PHACTR4: variants seen among roughly 807,000 people sequenced by gnomAD.
The protein encoded by PHACTR4 is phosphatase and actin regulator 4.
Under a neutral mutation model 72.7 loss-of-function variants are expected in PHACTR4, and 51 were observed. The ratio of observed to expected loss-of-function variants is 0.70; its 90% CI spans 0.56 to 0.89. The LOEUF is 0.89. PHACTR4 is among the 40% of genes least tolerant of loss of function. The pLI is 0.00. For missense variants in PHACTR4, 731 were observed against 861.8 expected (o/e 0.85, Z 1.90); for synonymous variants, 255 against 302.5 (o/e 0.84, Z 1.63).
rs969505080 is a variant in PHACTR4 at position 28,401,247 on chromosome 1, C to T, written c.-38-6163C>T. Among the ~76,000 whole-genome samples the T allele has an allele frequency of 6.6e-5, 10 of 151,044 alleles. No individual in the cohort carries two copies. The South Asian group carries it at 8.4e-4, about 13-fold the overall frequency. ...AAGAAAGGAAAAAAAAGTTTTAAAA[C>T]GCATTTTGAGGCTGAGATACTTGGC... On this transcript the variant is annotated intron_variant, in intron 1 of 13. Coordinates refer to ENST00000373839, the MANE Select transcript of PHACTR4 (RefSeq NM_001048183.3).
chr1:28,485,594 A>G (rs1021220430), intron 9 of PHACTR4, among the ~76,000 whole-genome samples: 7 of 150,286 alleles, frequency 4.7e-5, no homozygotes, highest in Non-Finnish European at 7.4e-5. Context: ...GTCTCAATCA[A>G]TCAGTCAATA....
Position 28,434,451 on chromosome 1 carries a change from AGCT to A in PHACTR4, c.17-24632_17-24630del, listed in dbSNP as rs1434793509. 9.2e-5 allele frequency among the ~76,000 whole-genome samples: 14 copies of A among 151,796 alleles called. No individual in the cohort carries two copies. The East Asian group carries it at 2.7e-3, about 30-fold the overall frequency. On this transcript the variant is annotated intron_variant, in intron 2 of 13. Transcript: ENST00000373839. Reference sequence around the variant, plus strand: ...ATTCTCCTGCCACAGCCTCCTGAGTAGCTGGGACTACAGGCACGTACCACCAAG... The same window carrying A: ...ATTCTCCTGCCACAGCCTCCTGAGTAGGGACTACAGGCACGTACCACCAAG...
intron 10 of PHACTR4, among the ~76,000 whole-genome samples, chr1:28,490,244 AT>A (rs1022403191): frequency 1.3e-5 from 2 of 152,212 alleles, no homozygotes; most frequent in African/African-American, 4.8e-5. Flanking sequence ...TTGTTTAGCC[AT>A]CCCCAAAGTT....
At chr1:28,381,354 A>G (rs1451482183) in intron 1 of PHACTR4, among the ~76,000 whole-genome samples, 1 of 131,486 alleles carries the variant, frequency 7.6e-6, no homozygotes, top group Admixed American at 8.6e-5. Context: ...GCTGGAGTGC[A>G]GTGGCGTGAT....
At chr1:28,407,038 G>A (rs1654383008) in intron 1 of PHACTR4, among the ~76,000 whole-genome samples, 1 of 151,822 alleles carries the variant, frequency 6.6e-6, no homozygotes, top group Non-Finnish European at 1.5e-5. Context: ...GCTTATTTGA[G>A]GAAACTGACA....
intron 2 of PHACTR4, chr1:28,457,359 G>T: frequency 2.3e-6 from 1 of 440,026 alleles, no homozygotes; most frequent in South Asian, 1.6e-5. Context: ...CTTTTGGGAG[G>T]CCAAGCAGGG....
intron 1 of PHACTR4, among the ~76,000 whole-genome samples, chr1:28,384,096 C>G (rs925595578): frequency 2.0e-5 from 3 of 152,132 alleles, no homozygotes; most frequent in African/African-American, 7.2e-5. Context: ...CATTGATATT[C>G]ATCAAGAATG....
In PHACTR4 at chr1:28,466,620, C is replaced by A. The variant is rs1557834346; in HGVS notation, c.675C>A (p.Val225=). 4 of 1,614,006 alleles carry A rather than the reference C, an allele frequency of 2.5e-6. No individual in the cohort carries two copies. The highest frequency in any genetic ancestry group is 3.4e-6 in the Non-Finnish European group (4 of 1,179,970). ...TSLAKTVNLS[V]TPSPAPRTLP... ...TTGCAAAGACTGTTAATCTCTCTGT[C>A]ACCCCTTCCCCAGCACCCAGGACTC... The change falls in exon 6 of 14, where the codon GTC becomes GTA. Residue 225 remains valine, a synonymous_variant. Transcript: ENST00000373839.
rs189359732 is a variant in PHACTR4, at chr1:28,409,854, A to G, written c.16+2391A>G. 2.0e-5 allele frequency among the ~76,000 whole-genome samples: 3 copies of G among 148,704 alleles called. No homozygotes were observed. The East Asian group carries it at 6.3e-4, about 31-fold the overall frequency. Reference sequence around the variant, plus strand: ...TGGCTTTCTTTCCCCCCTGAAGAGTAGTTTTTAGGATTATGCCTAGTTCAT... The same window carrying G: ...TGGCTTTCTTTCCCCCCTGAAGAGTGGTTTTTAGGATTATGCCTAGTTCAT... On this transcript the variant is annotated intron_variant, in intron 2 of 13. Transcript: ENST00000373839.
rs561173695 is a variant in PHACTR4, at chr1:28,462,200, G to A, written c.271+1908G>A. ...TTTTTGTATTTTTAGTAGAGTTGGGGTTTTCACCATGTTGGCCAGACTGGT... is the reference window on the plus strand; with the variant it reads ...TTTTTGTATTTTTAGTAGAGTTGGGATTTTCACCATGTTGGCCAGACTGGT... On this transcript the variant is annotated intron_variant, in intron 4 of 13. Coordinates refer to ENST00000373839, the MANE Select transcript of PHACTR4 (RefSeq NM_001048183.3). Among the ~76,000 whole-genome samples the A allele has an allele frequency of 2.6e-5, 4 of 151,254 alleles. No individual in the cohort carries two copies. In the East Asian group the frequency reaches 5.9e-4, roughly 22 times the overall value.
intron 2 of PHACTR4, among the ~76,000 whole-genome samples, chr1:28,429,414 G>C (rs535294030): frequency 1.3e-5 from 2 of 152,256 alleles, no homozygotes; most frequent in African/African-American, 4.8e-5. Context: ...AGGATTGTGT[G>C]GAATGATAGA....
At chr1:28,461,004 ATTGT>A (rs376597857) in intron 4 of PHACTR4, among the ~76,000 whole-genome samples, 2 of 152,220 alleles carry the variant, frequency 1.3e-5, no homozygotes, top group Admixed American at 6.5e-5. Flanking sequence ...TCTACCAGTC[ATTGT>A]TTGTTTAATA....
chr1:28,427,918 T>C (rs531652948), intron 2 of PHACTR4, among the ~76,000 whole-genome samples: 1 of 152,342 alleles, frequency 6.6e-6, no homozygotes, highest in Non-Finnish European at 1.5e-5. Context: ...ATTTTGCATA[T>C]AGCAAGCATT....
chr1:28,496,680 G>A lies in PHACTR4; in HGVS notation c.*131G>A, dbSNP rs1661382120. ...CCTCTGGGATCTTCTGAGGTGGACA[G>A]CACTTTGAATGTAGCATTTCACTGG... On this transcript the variant is annotated 3_prime_UTR_variant, in exon 14 of 14. Coordinates refer to ENST00000373839, the MANE Select transcript of PHACTR4 (RefSeq NM_001048183.3). 7 of 1,067,574 alleles carry A rather than the reference G, an allele frequency of 6.6e-6. No homozygotes were observed. The highest frequency in any genetic ancestry group is 1.0e-5 in the Non-Finnish European group (7 of 699,432). 66.1% of individuals were successfully genotyped at this position (1,067,574 alleles called of 1,614,324 possible).
intron 1 of PHACTR4, among the ~76,000 whole-genome samples, chr1:28,388,209 G>A (rs1652716629): frequency 6.6e-6 from 1 of 151,824 alleles, no homozygotes; most frequent in Non-Finnish European, 1.5e-5. Context: ...ACCAAAAAAA[G>A]ATGTCACATA....
chr1:28,390,413 C>A (rs980005713), intron 1 of PHACTR4, among the ~76,000 whole-genome samples: 1 of 152,176 alleles, frequency 6.6e-6, no homozygotes, highest in Non-Finnish European at 1.5e-5. Context: ...CTGTGGCTAC[C>A]ATTAGCAACA....
intron 1 of PHACTR4, among the ~76,000 whole-genome samples, chr1:28,400,408 T>A (rs1239934573): frequency 1.3e-5 from 2 of 150,260 alleles, no homozygotes; most frequent in Non-Finnish European, 2.9e-5. Flanking sequence ...AATCTGGAGT[T>A]AATTTCAGAT....
At chr1:28,457,260 C>T in intron 2 of PHACTR4, 1 of 434,394 alleles carries the variant, frequency 2.3e-6, no homozygotes, top group Non-Finnish European at 4.6e-6. Flanking sequence ...AAATTTAATG[C>T]TGTTGGTTGT....
At chr1:28,379,308 C>A (rs1336286671) in intron 1 of PHACTR4, among the ~76,000 whole-genome samples, 1 of 150,588 alleles carries the variant, frequency 6.6e-6, no homozygotes, top group Non-Finnish European at 1.5e-5. Context: ...CAGTCTGTCA[C>A]CCAGGCTGGA....
Sources: allele counts gnomAD v4.1 joint callset (sites outside exome capture counted in the v4.1 genomes callset), GRCh38; gene constraint gnomAD v4.1.1; transcripts MANE v1.5; gene names NCBI Gene and HGNC (gene_info 2026-07-23, HGNC 2026-07-21).